The following HGD variants were observed in gnomAD, a reference collection of about 807,000 sequenced individuals.
The protein encoded by HGD is homogentisate oxidase.
Under a neutral mutation model 60.8 loss-of-function variants are expected in HGD, and 61 were observed. The observed-to-expected ratio is 1.00, with a 90% confidence interval of 0.82 to 1.24. The LOEUF is 1.24. Among genes scored for constraint, HGD ranks in the 50% most tolerant of loss-of-function variants. The probability of loss-of-function intolerance (pLI) is 0.00; values close to 1 mark genes in which losing one functional copy is unlikely to be tolerated. For synonymous variants in HGD, 212 were observed against 187.7 expected (o/e 1.13, Z -1.06); for missense variants, 542 against 547.1 (o/e 0.99, Z 0.09).
intron 13 of HGD, among the ~76,000 whole-genome samples, chr3:120,629,333 A>G (rs1309946550): frequency 1.3e-5 from 2 of 152,218 alleles, no homozygotes; most frequent in Non-Finnish European, 2.9e-5. Flanking sequence ...GGAAATTTGT[A>G]TAATACAGAC....
At chr3:120,650,216 C>T (rs1341400970) in intron 6 of HGD, among the ~76,000 whole-genome samples, 1 of 152,220 alleles carries the variant, frequency 6.6e-6, no homozygotes, top group Non-Finnish European at 1.5e-5. Flanking sequence ...GTTTTCTTTT[C>T]TGCCTGCTTT....
chr3:120,636,179 C>T (rs568177459), intron 12 of HGD, among the ~76,000 whole-genome samples: 1 of 149,028 alleles, frequency 6.7e-6, no homozygotes, highest in East Asian at 2.0e-4. Context: ...ACTCAGGAGA[C>T]TGAGCGGGGA....
In HGD at chr3:120,648,958, G is replaced by A. The variant is rs144419945; in HGVS notation, c.435-1047C>T. Among the ~76,000 whole-genome samples, 1,416 of 152,140 alleles carry A rather than the reference G, an allele frequency of 9.3e-3. 22 individuals carry two copies. The highest frequency in any genetic ancestry group is 0.032 in the African/African-American group (1,324 of 41,500). ...GAACTCAGAGCTAAGGTATCAGCAG[G>A]GACCTATTGAAAGCGCCTTCAACTT... On this transcript the variant is annotated intron_variant, in intron 6 of 13. Coordinates refer to ENST00000283871, the MANE Select transcript of HGD (RefSeq NM_000187.4).
rs1940647337 is a variant in HGD at position 120,633,240 on chromosome 3, G to A, written c.1095C>T (p.His365=). ...GGFLPGGGSL[H]STMTPHGPDA... is the part of the protein sequence containing the mutation. ...CAGGTCCATGGGGGGTCATTGTGCT[G>A]TGTAGACTCCCTCCCCCTGGCAGGA... Residue 365 remains histidine (H), a synonymous_variant, in exon 13 of 14, where the codon CAC becomes CAT. Transcript: ENST00000283871. 3 of 1,614,114 alleles carry A rather than the reference G, an allele frequency of 1.9e-6. No homozygotes were observed. The highest frequency in any genetic ancestry group is 2.5e-6 in the Non-Finnish European group (3 of 1,180,018).
At chr3:120,630,187 T>G (rs1445248876) in intron 13 of HGD, among the ~76,000 whole-genome samples, 2 of 152,182 alleles carry the variant, frequency 1.3e-5, no homozygotes, top group Admixed American at 1.3e-4. Flanking sequence ...ATCATTAAGA[T>G]GACGATACTA....
intron 1 of HGD, among the ~76,000 whole-genome samples, chr3:120,680,494 A>C (rs868378948): frequency 6.6e-6 from 1 of 152,362 alleles, no homozygotes; most frequent in Middle Eastern, 3.4e-3. Context: ...AAGTTGCTTA[A>C]ACATGACAGC....
At chr3:120,678,848 C>A (rs1158091847) in intron 1 of HGD, among the ~76,000 whole-genome samples, 3 of 152,226 alleles carry the variant, frequency 2.0e-5, no homozygotes, top group African/African-American at 7.2e-5. Flanking sequence ...TTCACAGCTG[C>A]TTTCTCCAGA....
In HGD at chr3:120,636,270, G is replaced by A. The variant is rs539885023; in HGVS notation, c.1006+2185C>T. Reference sequence around the variant, plus strand: ...CACTCCAGCCTGGGTGACAGAGTGAGACCCTGTCTCAAAAAAAAAAAAAAG... The same window carrying A: ...CACTCCAGCCTGGGTGACAGAGTGAAACCCTGTCTCAAAAAAAAAAAAAAG... On this transcript the variant is annotated intron_variant, in intron 12 of 13. Transcript: ENST00000283871. Among the ~76,000 whole-genome samples the A allele has an allele frequency of 4.0e-5, 6 of 149,640 alleles. No homozygotes were observed. The South Asian group carries it at 1.3e-3, about 32-fold the overall frequency.
chr3:120,657,839 A>G (rs113050091), intron 4 of HGD, among the ~76,000 whole-genome samples: 2 of 133,810 alleles, frequency 1.5e-5, no homozygotes, highest in African/African-American at 2.7e-5. Context: ...GAGAGAGAGA[A>G]AGAGAGAGAG....
Position 120,628,542 on chromosome 3 carries a change from A to T in HGD, c.1189-13T>A. The T allele has an allele frequency of 6.2e-7, 1 of 1,613,870 alleles. No homozygotes were observed. Among genetic ancestry groups the T allele is most frequent in the South Asian group, 1.1e-5 (1 of 91,078 alleles). ...CAAACATAAATGCCTGGAGGAAGTG[A>T]CGATGGGGATGAGAAAAAAGAGGTG... On this transcript the variant is annotated splice_polypyrimidine_tract_variant and intron_variant, in intron 13 of 13. Transcript: ENST00000283871.
intron 11 of HGD, among the ~76,000 whole-genome samples, chr3:120,640,071 G>C (rs571236277): frequency 3.3e-5 from 5 of 151,704 alleles, no homozygotes; most frequent in Non-Finnish European, 7.4e-5. Flanking sequence ...CTTCAAAGAG[G>C]AGGTGACATT....
rs1057516976 is a variant in HGD, at chr3:120,650,830, CTT to C, written c.376_377del (p.Lys126ValfsTer2). ...TGTGGATAGCAAGCCCATTGTTAGA[CTT>C]TATGTCTCCAGCTCCACACAAGGTA... ...LHTLCGAGDI[K>X]SNNGLAIHIF... On this transcript the variant is annotated frameshift_variant, in exon 6 of 14. Coordinates refer to ENST00000283871, the MANE Select transcript of HGD (RefSeq NM_000187.4). LOFTEE classifies it high-confidence loss of function. 2 of 1,613,976 alleles carry C rather than the reference CTT, an allele frequency of 1.2e-6. No individual in the cohort carries two copies. Among genetic ancestry groups the C allele is most frequent in the African/African-American group, 1.3e-5 (1 of 74,932 alleles).
intron 6 of HGD, among the ~76,000 whole-genome samples, chr3:120,650,023 T>G (rs1941290872): frequency 6.6e-6 from 1 of 152,100 alleles, no homozygotes; most frequent in African/African-American, 2.4e-5. Flanking sequence ...AGGAGAAAGG[T>G]GCCTCTACTT....
At chr3:120,681,620 G>A (rs567791033) in intron 1 of HGD, among the ~76,000 whole-genome samples, 6 of 152,148 alleles carry the variant, frequency 3.9e-5, no homozygotes, top group Admixed American at 6.5e-5. Context: ...TTTCAATTGC[G>A]TATTACTAAA....
Position 120,646,298 on chromosome 3 carries a change from G to A in HGD, c.618C>T (p.Val206=). The change falls in exon 9 of 14, where the codon GTC becomes GTT. Residue 206 remains valine, a synonymous_variant. Coordinates refer to ENST00000283871, the MANE Select transcript of HGD (RefSeq NM_000187.4). The part of the protein sequence containing the change: ...TRGYILEVYG[V]HFELPDLGPI... ...GTCCAAGGTCAGGTAACTCAAAGTG[G>A]ACACCATAGACCTCCAAGATGTAGC... 1.2e-6 allele frequency: 2 copies of A among 1,613,034 alleles called. No individual in the cohort carries two copies. The highest frequency in any genetic ancestry group is 2.2e-5 in the South Asian group (2 of 91,058).
chr3:120,647,103 C>A, intron 7 of HGD, 51 bp from the exon 8 acceptor site: 1 of 1,406,490 alleles, frequency 7.1e-7, no homozygotes, highest in Non-Finnish European at 1.0e-6. Flanking sequence ...GTGTGATAAC[C>A]ATTTCATGAA....
chr3:120,669,483 A>ACACACACC lies in HGD; in HGVS notation c.282+943_282+944insGGTGTGTG, dbSNP rs1455844316. ...CACACACACACACACACACACACACACACGCAGACTGTTAATCAAGTTTGT... is the reference window on the plus strand; with the variant it reads ...CACACACACACACACACACACACACACACACACCCACGCAGACTGTTAATCAAGTTTGT... On this transcript the variant is annotated intron_variant, in intron 4 of 13. Coordinates refer to ENST00000283871, the MANE Select transcript of HGD (RefSeq NM_000187.4). Among the ~76,000 whole-genome samples the ACACACACC allele has an allele frequency of 1.7e-3, 249 of 148,586 alleles. 2 individuals are homozygous for ACACACACC. Among genetic ancestry groups the ACACACACC allele is most frequent in the African/African-American group, 5.9e-3 (239 of 40,180 alleles).
chr3:120,670,491 A>C lies in HGD; in HGVS notation c.218T>G (p.Phe73Cys), dbSNP rs1407708211. 6.2e-7 allele frequency: 1 copy of C among 1,611,076 alleles called. No individual in the cohort carries two copies. Among genetic ancestry groups the C allele is most frequent in the East Asian group, 2.2e-5 (1 of 44,872 alleles). ...GACTTGGCCTTCGTCAATGGATTCA[A>C]AGGGCTTGTGAGAAACTGAAGGTAG... ...RILPSVSHKP[F>C]ESIDEGQVTH... The change falls in exon 4 of 14, where the codon TTT (phenylalanine) becomes TGT (cysteine). Residue 73 changes from phenylalanine to cysteine, a missense_variant. By Grantham distance (205) the Phe-to-Cys change is radical. Coordinates refer to ENST00000283871, the MANE Select transcript of HGD (RefSeq NM_000187.4).
chr3:120,672,960 A>T (rs1708054100), intron 3 of HGD, among the ~76,000 whole-genome samples: 1 of 152,194 alleles, frequency 6.6e-6, no homozygotes, highest in Admixed American at 6.5e-5. Context: ...CCTGATAGGT[A>T]GGTAGGTAGG....
Sources: gnomAD v4.1 joint callset for allele counts (sites outside exome capture counted in the v4.1 genomes callset) on GRCh38, gnomAD v4.1.1 for gene constraint, MANE v1.5 for transcripts, NCBI Gene and HGNC (gene_info 2026-07-23, HGNC 2026-07-21) for gene names.